SLC2A10: variants seen among roughly 807,000 people sequenced by gnomAD.
SLC2A10 encodes the protein solute carrier family 2 member 10.
SLC2A10 carries 25 observed loss-of-function variants against 32.1 expected under a neutral mutation model. The observed-to-expected ratio is 0.78, with a 90% confidence interval of 0.57 to 1.09. The LOEUF (loss-of-function observed/expected upper bound fraction) is 1.09, where lower values mean the gene tolerates loss of function less well. Ranked by LOEUF, SLC2A10 falls within the 50% of genes least tolerant of loss-of-function variation. SLC2A10 has a pLI of 0.00. For missense variants in SLC2A10, 673 were observed against 686.5 expected (o/e 0.98, Z 0.22); for synonymous variants, 332 against 309.6 (o/e 1.07, Z -0.76).
Position 46,725,625 on chromosome 20 carries a change from G to T in SLC2A10, c.589G>T (p.Asp197Tyr), listed in dbSNP as rs761874387. The stretch of plus-strand genomic sequence containing the variant: ...TACAGATGAGACTGCAACACACAAG[G>T]ACCTCATCCCACTCCAGGGAGGTGA... Reference protein sequence around the residue: ...AGTDETATHKDLIPLQGGEAP... With the variant: ...AGTDETATHKYLIPLQGGEAP... The change falls in exon 2 of 5, where the codon GAC becomes TAC. Residue 197 changes from aspartate to tyrosine, a missense_variant. Coordinates refer to ENST00000359271, the MANE Select transcript of SLC2A10 (RefSeq NM_030777.4). The T allele has an allele frequency of 1.9e-6, 3 of 1,613,994 alleles. No individual in the cohort carries two copies. In the East Asian group the frequency reaches 6.7e-5, roughly 36 times the overall value.
At chr20:46,710,965 C>G (rs1347772604) in intron 1 of SLC2A10, among the ~76,000 whole-genome samples, 1 of 152,110 alleles carries the variant, frequency 6.6e-6, no homozygotes, top group Non-Finnish European at 1.5e-5. Flanking sequence ...CTCCAGCTCC[C>G]TGGTTCAAGC....
chr20:46,724,057 T>G (rs375858942), intron 1 of SLC2A10, among the ~76,000 whole-genome samples: 3 of 152,214 alleles, frequency 2.0e-5, no homozygotes, highest in East Asian at 3.8e-4. Context: ...GATGTTCTTC[T>G]CCCAGATTTT....
intron 3 of SLC2A10, 55 bp from the exon 4 acceptor site, chr20:46,729,298 C>T: frequency 6.2e-7 from 1 of 1,610,204 alleles, no homozygotes; most frequent in Non-Finnish European, 8.5e-7. Flanking sequence ...TTGGCCCAGG[C>T]TGCGGGGCCA....
intron 4 of SLC2A10, among the ~76,000 whole-genome samples, chr20:46,730,603 AG>A (rs1161247185): frequency 6.6e-6 from 1 of 152,216 alleles, no homozygotes; most frequent in African/African-American, 2.4e-5. Context: ...GGCATGTGCA[AG>A]GAACAACAAG....
chr20:46,727,041 TA>T, intron 3 of SLC2A10, 55 bp downstream of exon 3: 1 of 1,612,808 alleles, frequency 6.2e-7, no homozygotes, highest in Non-Finnish European at 8.5e-7. Context: ...CTCCCTACTC[TA>T]AAGCAGAAAT....
At chr20:46,731,603 G>C (rs566589223) in intron 4 of SLC2A10, among the ~76,000 whole-genome samples, 19 of 150,128 alleles carry the variant, frequency 1.3e-4, no homozygotes, top group Non-Finnish European at 1.6e-4. Flanking sequence ...GGGTTACATG[G>C]GGGGAGCCAA....
chr20:46,728,617 T>G (rs961106317), intron 3 of SLC2A10, among the ~76,000 whole-genome samples: 2 of 148,426 alleles, frequency 1.3e-5, no homozygotes, highest in African/African-American at 2.5e-5. Context: ...TTTTTTTTTT[T>G]TTTTTTTTTT....
intron 1 of SLC2A10, among the ~76,000 whole-genome samples, chr20:46,723,428 A>G (rs1979671842): frequency 6.6e-6 from 1 of 152,218 alleles, no homozygotes; most frequent in African/African-American, 2.4e-5. Flanking sequence ...TTTTAGCTGG[A>G]TGTAGTCCTG....
intron 4 of SLC2A10, among the ~76,000 whole-genome samples, chr20:46,730,348 T>C (rs1166311320): frequency 1.3e-5 from 2 of 151,988 alleles, no homozygotes; most frequent in Non-Finnish European, 2.9e-5. Flanking sequence ...GCGTTTTAGT[T>C]GGTGATGAGT....
chr20:46,726,433 A>G lies in SLC2A10; in HGVS notation c.1288+109A>G, dbSNP rs1010902138. On this transcript the variant is annotated intron_variant, in intron 2 of 4. Coordinates refer to ENST00000359271, the MANE Select transcript of SLC2A10 (RefSeq NM_030777.4). ...TGGCAGGGTGTCAGTGGGGCACTAG[A>G]GGTGGGTTGACCATGAAGCCTCAGG... The G allele has an allele frequency of 9.3e-6, 14 of 1,505,780 alleles. No individual in the cohort carries two copies. In the Admixed American group the frequency reaches 9.8e-5, roughly 10 times the overall value. 93.3% of individuals were successfully genotyped at this position (1,505,780 alleles called of 1,614,324 possible).
intron 1 of SLC2A10, among the ~76,000 whole-genome samples, chr20:46,711,201 G>A (rs1374002724): frequency 1.3e-5 from 2 of 152,240 alleles, no homozygotes; most frequent in Non-Finnish European, 2.9e-5. Context: ...GTTCTGTGGA[G>A]AATCACAGTC....
rs535397439 is a variant in SLC2A10 at position 46,732,637 on chromosome 20, G to A, written c.1548-1119G>A. ...CTATGGGTGCATTTGTGTTACAAGT[G>A]TATCAGGAATTTTCAACAAGCACGG... is the stretch of plus-strand genomic sequence containing the variant. On this transcript the variant is annotated intron_variant, in intron 4 of 4. Coordinates refer to ENST00000359271, the MANE Select transcript of SLC2A10 (RefSeq NM_030777.4). Among the ~76,000 whole-genome samples the A allele has an allele frequency of 4.6e-5, 7 of 152,278 alleles. No homozygotes were observed. The South Asian group carries it at 8.3e-4, about 18-fold the overall frequency.
intron 4 of SLC2A10, among the ~76,000 whole-genome samples, chr20:46,732,036 C>A (rs1180135725): frequency 6.6e-6 from 1 of 152,110 alleles, no homozygotes; most frequent in African/African-American, 2.4e-5. Flanking sequence ...AGGCAGATGC[C>A]GGTAGAGCCG....
In SLC2A10 at chr20:46,726,130, A is replaced by G. The variant is rs771331620; in HGVS notation, c.1094A>G (p.Glu365Gly). The change falls in exon 2 of 5, where the codon GAG becomes GGG. Residue 365 changes from glutamate to glycine, a missense_variant. Coordinates refer to ENST00000359271, the MANE Select transcript of SLC2A10 (RefSeq NM_030777.4). ...CCAAGGACCAATGAGGACCAAAGGG[A>G]GCCAATCTTGTCCACTGCTAAGAAA... ...PIPRTNEDQR[E>G]PILSTAKKTK... 3 of 1,614,216 alleles carry G rather than the reference A, an allele frequency of 1.9e-6. No homozygotes were observed. Among genetic ancestry groups the G allele is most frequent in the Non-Finnish European group, 2.5e-6 (3 of 1,180,032 alleles).
At chr20:46,728,615 T>TG (rs2123059986) in intron 3 of SLC2A10, among the ~76,000 whole-genome samples, 1 of 148,120 alleles carries the variant, frequency 6.8e-6, no homozygotes, top group South Asian at 2.2e-4. Context: ...TTTTTTTTTT[T>TG]TTTTTTTTTT....
rs1173686185 is a variant in SLC2A10, at chr20:46,726,183, C to T, written c.1147C>T (p.Pro383Ser). 1 of 1,614,242 alleles carries T rather than the reference C, an allele frequency of 6.2e-7. No homozygotes were observed. Among genetic ancestry groups the T allele is most frequent in the South Asian group, 1.1e-5 (1 of 91,090 alleles). The change falls in exon 2 of 5, where the codon CCC becomes TCC. Residue 383 changes from proline (P) to serine (S), a missense_variant. By Grantham distance (74) the Pro-to-Ser change is moderately conservative (BLOSUM62 -1). Coordinates refer to ENST00000359271, the MANE Select transcript of SLC2A10 (RefSeq NM_030777.4). ...CAAGCCCCATCCCAGATCTGGAGAC[C>T]CCTCAGCCCCTCCTCGGCTGGCCCT... The part of the protein sequence containing the change: ...KTKPHPRSGD[P>S]SAPPRLALSS...
intron 1 of SLC2A10, among the ~76,000 whole-genome samples, chr20:46,717,412 G>T (rs935330547): frequency 6.6e-6 from 1 of 152,286 alleles, no homozygotes; most frequent in Admixed American, 6.5e-5. Flanking sequence ...TTGAGATGGA[G>T]TCTTGCTCTG....
In SLC2A10 at chr20:46,733,719, T is replaced by C. The variant is rs377553869; in HGVS notation, c.1548-37T>C. 41 of 1,593,916 alleles carry C rather than the reference T, an allele frequency of 2.6e-5. No individual in the cohort carries two copies. The African/African-American group carries it at 3.8e-4, about 15-fold the overall frequency. The stretch of plus-strand genomic sequence containing the variant: ...ACTCCCCAGGGACGGCCCCAGGCCC[T>C]GCCACCCCCTGATCCCACGCATTCT... On this transcript the variant is annotated intron_variant, in intron 4 of 4. Coordinates refer to ENST00000359271, the MANE Select transcript of SLC2A10 (RefSeq NM_030777.4).
rs1050850485 is a variant in SLC2A10, at chr20:46,735,595, G to T, written c.*1761G>T. 6.6e-6 allele frequency: 1 copy of T among 152,174 alleles called. No individual in the cohort carries two copies. The highest frequency in any genetic ancestry group is 6.5e-5 in the Admixed American group (1 of 15,274). 9.4% of individuals were successfully genotyped at this position (152,174 alleles called of 1,614,324 possible). On this transcript the variant is annotated 3_prime_UTR_variant, in exon 5 of 5. Transcript: ENST00000359271. ...ATCTCTTCCTGATTCCCCACTCAATGACATCATGTTAGTCTTTGGTTGCTT... is the reference window on the plus strand; with the variant it reads ...ATCTCTTCCTGATTCCCCACTCAATTACATCATGTTAGTCTTTGGTTGCTT...
Sources: gnomAD v4.1 joint callset for allele counts (sites outside exome capture counted in the v4.1 genomes callset) on GRCh38, gnomAD v4.1.1 for gene constraint, MANE v1.5 for transcripts, NCBI Gene and HGNC (gene_info 2026-07-23, HGNC 2026-07-21) for gene names.